Variants in RYR2 observed in about 807,000 individuals in gnomAD.
RYR2 encodes cardiac muscle ryanodine receptor-calcium release channel.
Under a neutral mutation model 601.1 loss-of-function variants are expected in RYR2, and 227 were observed. The observed-to-expected ratio is 0.38, with a 90% CI of 0.34 to 0.42. RYR2 has a LOEUF of 0.42. Among genes scored for constraint, RYR2 ranks in the 10% least tolerant of loss-of-function variants. RYR2 has a pLI of 1.00. For synonymous variants in RYR2, 2,223 were observed against 2,175.1 expected, an observed-to-expected ratio of 1.02 and a Z score of -0.61; for missense variants, 4,646 against 6,156.5, an observed-to-expected ratio of 0.75 and a Z score of 8.21.
intron 3 of RYR2, among the ~76,000 whole-genome samples, chr1:237,349,031 G>A (rs1279296515): frequency 1.3e-5 from 2 of 152,174 alleles, no homozygotes; most frequent in African/African-American, 4.8e-5. Context: ...ATTAACTGTA[G>A]TAATAAAATC....
chr1:237,144,831 A>T (rs1268683811), intron 1 of RYR2, among the ~76,000 whole-genome samples: 1 of 152,218 alleles, frequency 6.6e-6, no homozygotes, highest in Non-Finnish European at 1.5e-5. Flanking sequence ...AAAGTCTAGT[A>T]ATAAAGTAAA....
rs559441218 is a variant in RYR2 at position 237,373,216 on chromosome 1, T to G, written c.385-1501T>G. On this transcript the variant is annotated intron_variant, in intron 6 of 104. Transcript: ENST00000366574. ...TACCTGTCTTGAGGTCAGACTGACATTTCTGCTGTGGCTAAAAACAAGTTT... is the reference window on the plus strand; with the variant it reads ...TACCTGTCTTGAGGTCAGACTGACAGTTCTGCTGTGGCTAAAAACAAGTTT... Among the ~76,000 whole-genome samples the G allele has an allele frequency of 5.3e-4, 81 of 152,336 alleles. 1 individual carries two copies. The Middle Eastern group carries it at 0.01, about 19-fold the overall frequency.
At chr1:237,331,648 T>G (rs922911668) in intron 3 of RYR2, among the ~76,000 whole-genome samples, 3 of 150,394 alleles carry the variant, frequency 2.0e-5, no homozygotes, top group Admixed American at 6.6e-5. Context: ...GACTACAGGC[T>G]CCTGCCACCA....
chr1:237,614,164 A>C lies in RYR2; in HGVS notation c.5036A>C (p.His1679Pro). The C allele has an allele frequency of 1.2e-6, 2 of 1,614,026 alleles. No homozygotes were observed. Among genetic ancestry groups the C allele is most frequent in the Non-Finnish European group, 1.7e-6 (2 of 1,179,900 alleles). Reference sequence around the variant, plus strand: ...CGGGTGGCCCATGCCCTGTGCAGCCATGTGGATGAACCTCAGCTCCTCTAT... The same window carrying C: ...CGGGTGGCCCATGCCCTGTGCAGCCCTGTGGATGAACCTCAGCTCCTCTAT... The part of the protein sequence containing the change: ...NHRVAHALCS[H>P]VDEPQLLYAI... Residue 1679 changes from histidine (H) to proline (P), a missense_variant, in exon 37 of 105, where the codon CAT becomes CCT. Coordinates refer to ENST00000366574, the MANE Select transcript of RYR2 (RefSeq NM_001035.3). This position sits in a 1 kb window ranked among gnomAD's most constrained non-coding sequence, Gnocchi z 4.3.
chr1:237,483,987 C>T (rs369472303), intron 17 of RYR2, among the ~76,000 whole-genome samples: 9 of 152,220 alleles, frequency 5.9e-5, no homozygotes, highest in South Asian at 2.1e-4. Flanking sequence ...CTGTGGACAC[C>T]GCCAAACTGT....
intron 1 of RYR2, among the ~76,000 whole-genome samples, chr1:237,236,680 C>A (rs1237802823): frequency 6.6e-6 from 1 of 152,076 alleles, no homozygotes; most frequent in Non-Finnish European, 1.5e-5. Context: ...TTGCTTTGGG[C>A]AGTCAGCAAG....
rs373069691 is a variant in RYR2, at chr1:237,369,070, G to A, written c.310-464G>A. Among the ~76,000 whole-genome samples the A allele has an allele frequency of 2.8e-3, 426 of 151,976 alleles. 2 individuals are homozygous for A. The highest frequency in any genetic ancestry group is 9.8e-3 in the African/African-American group (406 of 41,474). ...AACTCCTGACCTCAGGTAATCGCCC[G>A]CCTCGGCCTCCCAAAGTGCTGGGAT... On this transcript the variant is annotated intron_variant, in intron 5 of 104. Transcript: ENST00000366574.
chr1:237,670,829 A>C (rs1684861987), intron 58 of RYR2, among the ~76,000 whole-genome samples: 1 of 152,218 alleles, frequency 6.6e-6, no homozygotes, highest in Admixed American at 6.5e-5. Flanking sequence ...TAAATGCTCC[A>C]ATAAGTGTTT....
intron 29 of RYR2, among the ~76,000 whole-genome samples, chr1:237,580,331 AT>A (rs1673768553): frequency 6.6e-6 from 1 of 151,112 alleles, no homozygotes; most frequent in Admixed American, 6.6e-5. Flanking sequence ...AATTTTTTGT[AT>A]TTTTTGTAGA....
intron 89 of RYR2, among the ~76,000 whole-genome samples, chr1:237,782,161 A>C (rs1573925494): frequency 7.2e-6 from 1 of 138,580 alleles, no homozygotes. Context: ...TTTTCTTCCC[A>C]GCTTATTTTG....
rs114841529 is a variant in RYR2, at chr1:237,664,612, A to G, written c.8437-1900A>G. On this transcript the variant is annotated intron_variant, in intron 56 of 104. Coordinates refer to ENST00000366574, the MANE Select transcript of RYR2 (RefSeq NM_001035.3). ...CACTACCACAAGAACAGTATGGAGG[A>G]AAATGCCCCTATGATTCAGTTATCT... is the stretch of plus-strand genomic sequence containing the variant. Among the ~76,000 whole-genome samples, 335 of 152,312 alleles carry G rather than the reference A, an allele frequency of 2.2e-3. 1 individual carries two copies. Among genetic ancestry groups the G allele is most frequent in the African/African-American group, 7.4e-3 (306 of 41,584 alleles).
intron 11 of RYR2, among the ~76,000 whole-genome samples, chr1:237,422,792 A>G (rs1705727595): frequency 6.6e-6 from 1 of 152,158 alleles, no homozygotes; most frequent in Non-Finnish European, 1.5e-5. Flanking sequence ...TTGGAGCACA[A>G]GTTCTTTGTT....
chr1:237,581,185 G>T (rs1673879107), intron 29 of RYR2, among the ~76,000 whole-genome samples: 1 of 152,162 alleles, frequency 6.6e-6, no homozygotes, highest in African/African-American at 2.4e-5. Flanking sequence ...TAAAAGAACG[G>T]TTATTTATGT....
At chr1:237,604,232 A>G (rs929907428) in intron 35 of RYR2, among the ~76,000 whole-genome samples, 6 of 152,250 alleles carry the variant, frequency 3.9e-5, no homozygotes, top group Non-Finnish European at 8.8e-5. Flanking sequence ...CTCTCAGACC[A>G]CAGTGCAATC....
chr1:237,701,439 G>T (rs1558248511), intron 65 of RYR2, among the ~76,000 whole-genome samples: 1 of 151,974 alleles, frequency 6.6e-6, no homozygotes, highest in Non-Finnish European at 1.5e-5. Flanking sequence ...GCTGAGACAA[G>T]ATAATCACTT....
At chr1:237,208,926 ATG>A (rs143152668) in intron 1 of RYR2, among the ~76,000 whole-genome samples, 1 of 87,356 alleles carries the variant, frequency 1.1e-5, no homozygotes, top group African/African-American at 4.0e-5. Context: ...GTACAACCAA[ATG>A]TGTGTGTGTA....
intron 29 of RYR2, among the ~76,000 whole-genome samples, chr1:237,584,933 G>A (rs1017594361): frequency 9.2e-5 from 14 of 151,712 alleles, no homozygotes; most frequent in African/African-American, 3.4e-4. Flanking sequence ...TAGAATCAGG[G>A]TCTCGCCATG....
At chr1:237,330,810 TA>T in intron 2 of RYR2, 67 bp from the exon 3 acceptor site, 1 of 1,222,352 alleles carries the variant, frequency 8.2e-7, no homozygotes, top group Non-Finnish European at 1.2e-6. Flanking sequence ...TGGAGCCTCC[TA>T]AGGTAAGCTG....
At chr1:237,595,832 C>CCACT (rs1393679794) in intron 34 of RYR2, among the ~76,000 whole-genome samples, 175 bp downstream of exon 34, 3 of 152,162 alleles carry the variant, frequency 2.0e-5, no homozygotes, top group Non-Finnish European at 2.9e-5. Flanking sequence ...GCTGTCCCAG[C>CCACT]CACTGCACTC....
Sources: allele counts gnomAD v4.1 joint callset (sites outside exome capture counted in the v4.1 genomes callset), GRCh38; gene constraint gnomAD v4.1.1; non-coding constraint Gnocchi (gnomAD v3.1); transcripts MANE v1.5; gene names NCBI Gene and HGNC (gene_info 2026-07-23, HGNC 2026-07-21).